The following APBA1 variants were observed in gnomAD, a reference collection of about 807,000 sequenced individuals.
The protein encoded by APBA1 is amyloid-beta A4 precursor protein-binding family A member 1.
In APBA1, 55 loss-of-function variants were observed where a neutral mutation model predicts 86.6. The ratio of observed to expected loss-of-function variants is 0.64; its 90% CI spans 0.51 to 0.80. The LOEUF (loss-of-function observed/expected upper bound fraction) is 0.80. Among genes scored for constraint, APBA1 ranks in the 30% least tolerant of loss-of-function variants. The pLI is 0.00. For missense variants in APBA1, 1,090 were observed against 1,183.0 expected (o/e 0.92, Z 1.15); for synonymous variants, 511 against 493.9 (o/e 1.03, Z -0.46).
chr9:69,629,397 C>G (rs749667656), intron 1 of APBA1, among the ~76,000 whole-genome samples: 1 of 152,130 alleles, frequency 6.6e-6, no homozygotes, highest in Non-Finnish European at 1.5e-5. Context: ...TGATTAACCT[C>G]ATTTCTGAGC....
chr9:69,620,388 GAC>G (rs994730867), intron 1 of APBA1, among the ~76,000 whole-genome samples: 54 of 152,280 alleles, frequency 3.5e-4, no homozygotes, highest in Admixed American at 7.8e-4. Context: ...TGGTCAGAGA[GAC>G]AGAGTGCCGG....
chr9:69,543,456 A>T (rs554101632), intron 1 of APBA1, among the ~76,000 whole-genome samples: 32 of 152,246 alleles, frequency 2.1e-4, no homozygotes, highest in Non-Finnish European at 4.3e-4. Flanking sequence ...ACCGCCACTG[A>T]TCTGGCCCCC....
At chr9:69,597,248 G>T (rs1434384079) in intron 1 of APBA1, among the ~76,000 whole-genome samples, 1 of 152,146 alleles carries the variant, frequency 6.6e-6, no homozygotes, top group Non-Finnish European at 1.5e-5. Context: ...GTTTTGATTT[G>T]CATTTCTCTG....
intron 1 of APBA1, among the ~76,000 whole-genome samples, chr9:69,613,940 T>C (rs911861728): frequency 1.3e-5 from 2 of 152,134 alleles, no homozygotes; most frequent in Non-Finnish European, 1.5e-5. Context: ...AGCAATCACA[T>C]TGCAAAATAT....
intron 1 of APBA1, among the ~76,000 whole-genome samples, chr9:69,658,304 C>CTTTCTCTCTCTCTTTCTT (rs1554709959): frequency 1.3e-5 from 1 of 79,944 alleles, no homozygotes; most frequent in Non-Finnish European, 2.6e-5. Context: ...TTCTCTCTCT[C>CTTTCTCTCTCTCTTTCTT]TCTTTCTTTC....
intron 2 of APBA1, among the ~76,000 whole-genome samples, chr9:69,485,546 T>G (rs1404274297): frequency 7.0e-6 from 1 of 143,320 alleles, no homozygotes; most frequent in East Asian, 2.1e-4. Flanking sequence ...TCACGCCTTC[T>G]GGGCTACTGG....
intron 1 of APBA1, among the ~76,000 whole-genome samples, chr9:69,529,279 A>G (rs901302486): frequency 3.9e-5 from 6 of 152,120 alleles, no homozygotes; most frequent in Non-Finnish European, 8.8e-5. Context: ...CTTCCTGACA[A>G]TTCAGCTTCA....
At chr9:69,527,360 A>G (rs1836360532) in intron 1 of APBA1, among the ~76,000 whole-genome samples, 1 of 152,126 alleles carries the variant, frequency 6.6e-6, no homozygotes, top group Non-Finnish European at 1.5e-5. Flanking sequence ...CTTTTGATCT[A>G]TTTTGAAATG....
At chr9:69,536,704 TAAAAAAA>T (rs71356116) in intron 1 of APBA1, among the ~76,000 whole-genome samples, 5 of 55,956 alleles carry the variant, frequency 8.9e-5, no homozygotes, top group South Asian at 1.3e-3. Flanking sequence ...CCATCTCTAC[TAAAAAAA>T]AAAAAAAAAA....
chr9:69,560,047 C>T (rs1836924398), intron 1 of APBA1, among the ~76,000 whole-genome samples: 1 of 152,078 alleles, frequency 6.6e-6, no homozygotes, highest in Non-Finnish European at 1.5e-5. Context: ...AGGAGGTCAG[C>T]AATATATGGG....
At chr9:69,651,579 G>T (rs1306880265) in intron 1 of APBA1, among the ~76,000 whole-genome samples, 2 of 152,000 alleles carry the variant, frequency 1.3e-5, no homozygotes, top group Non-Finnish European at 2.9e-5. Flanking sequence ...GGGTTCAAGC[G>T]ATTCTCCTGC....
intron 1 of APBA1, among the ~76,000 whole-genome samples, chr9:69,662,787 T>C (rs1013662779): frequency 6.6e-6 from 1 of 152,108 alleles, no homozygotes; most frequent in African/African-American, 2.4e-5. Context: ...AGGAACCAGC[T>C]CAGCAAGGAG....
At chr9:69,549,144 C>T (rs1294766696) in intron 1 of APBA1, among the ~76,000 whole-genome samples, 1 of 152,222 alleles carries the variant, frequency 6.6e-6, no homozygotes, top group Non-Finnish European at 1.5e-5. Context: ...CAGAACAGCA[C>T]AAGCGCCAAC....
At chr9:69,470,502 GAATTTCAGGGCCTCAC>G (rs1482233302) in intron 4 of APBA1, among the ~76,000 whole-genome samples, 3 of 152,186 alleles carry the variant, frequency 2.0e-5, no homozygotes, top group Non-Finnish European at 2.9e-5. Flanking sequence ...TGCTCTCACA[GAATTTCAGGGCCTCAC>G]AAAAATGATG....
At chr9:69,664,143 C>T (rs1488914420) in intron 1 of APBA1, among the ~76,000 whole-genome samples, 3 of 152,156 alleles carry the variant, frequency 2.0e-5, no homozygotes, top group Admixed American at 2.0e-4. Context: ...CGGAAATAAA[C>T]TCAATCAACA....
At chr9:69,542,801 C>A (rs1836635979) in intron 1 of APBA1, among the ~76,000 whole-genome samples, 1 of 152,174 alleles carries the variant, frequency 6.6e-6, no homozygotes, top group South Asian at 2.1e-4. Flanking sequence ...GGTCACTGTA[C>A]TTAAAAAGGA....
rs192953942 is a variant in APBA1, at chr9:69,492,989, A to G, written c.1201-16846T>C. On this transcript the variant is annotated intron_variant, in intron 2 of 12. Transcript: ENST00000265381. The stretch of plus-strand genomic sequence containing the variant: ...ATTTCACGTATGTAGAACGACACAG[A>G]GAACCTGAGAATCAGGTGTTGGGTT... Among the ~76,000 whole-genome samples, 204 of 152,226 alleles carry G rather than the reference A, an allele frequency of 1.3e-3. 2 individuals carry two copies. The East Asian group carries it at 0.03, about 23-fold the overall frequency.
intron 6 of APBA1, 44 bp from the exon 7 acceptor site, chr9:69,457,183 C>T: frequency 6.7e-7 from 1 of 1,484,928 alleles, no homozygotes; most frequent in Non-Finnish European, 9.4e-7. Flanking sequence ...ACCACACTAC[C>T]CTGACCCAGA....
At chr9:69,597,589 T>C (rs1822254517) in intron 1 of APBA1, among the ~76,000 whole-genome samples, 1 of 152,224 alleles carries the variant, frequency 6.6e-6, no homozygotes, top group African/African-American at 2.4e-5. Context: ...TCCTTGCCCA[T>C]GCCTATGTCT....
Sources: allele counts gnomAD v4.1 joint callset (sites outside exome capture counted in the v4.1 genomes callset), GRCh38; gene constraint gnomAD v4.1.1; transcripts MANE v1.5; gene names NCBI Gene and HGNC (gene_info 2026-07-23, HGNC 2026-07-21).